The following ANKRD55 variants were observed in gnomAD, a reference collection of about 807,000 sequenced individuals.
The protein encoded by ANKRD55 is ankyrin repeat domain-containing protein 55.
A neutral mutation model predicts 60.6 loss-of-function variants in ANKRD55; 41 were observed. That is an observed-to-expected ratio of 0.68 (90% confidence interval 0.53 to 0.88). The LOEUF is 0.88. Ranked by LOEUF, ANKRD55 falls within the 40% of genes least tolerant of loss-of-function variation. The probability of loss-of-function intolerance (pLI) is 0.00; values close to 1 mark genes in which losing one functional copy is unlikely to be tolerated. For missense variants in ANKRD55, 732 were observed against 767.6 expected, an observed-to-expected ratio of 0.95 and a Z score of 0.55; for synonymous variants, 264 against 290.3, an observed-to-expected ratio of 0.91 and a Z score of 0.92.
intron 4 of ANKRD55, among the ~76,000 whole-genome samples, chr5:56,173,578 CTCTCTATATATA>C (rs1324184591): frequency 2.8e-4 from 20 of 71,664 alleles, no homozygotes; most frequent in African/African-American, 1.1e-3. Flanking sequence ...CTCTCTCTCT[CTCTCTATATATA>C]TATATATATA....
chr5:56,214,005 C>T (rs1759742985), intron 2 of ANKRD55, among the ~76,000 whole-genome samples: 1 of 152,160 alleles, frequency 6.6e-6, no homozygotes, highest in South Asian at 2.1e-4. Context: ...TGGTGAAAGG[C>T]AAAGGAGAAG....
intron 6 of ANKRD55, among the ~76,000 whole-genome samples, chr5:56,144,408 C>T (rs1183156952): frequency 6.6e-6 from 1 of 152,164 alleles, no homozygotes; most frequent in Non-Finnish European, 1.5e-5. Flanking sequence ...GACTGGAGTG[C>T]AATCCCCCAC....
intron 10 of ANKRD55, among the ~76,000 whole-genome samples, chr5:56,110,000 G>C (rs1338845635): frequency 6.6e-6 from 1 of 151,824 alleles, no homozygotes; most frequent in Admixed American, 6.6e-5. Flanking sequence ...GCAGTGAGCT[G>C]AGATTGCACC....
At chr5:56,206,883 T>C (rs1010535464) in intron 2 of ANKRD55, among the ~76,000 whole-genome samples, 5 of 152,034 alleles carry the variant, frequency 3.3e-5, no homozygotes, top group Admixed American at 3.3e-4. Flanking sequence ...CTCTCAGGGA[T>C]TAGGACAGTG....
intron 7 of ANKRD55, chr5:56,137,508 CA>C: frequency 1.3e-6 from 1 of 768,930 alleles, no homozygotes; most frequent in Non-Finnish European, 2.3e-6. Context: ...ACTGAAGAAA[CA>C]AAAACTTATG....
Position 56,143,940 on chromosome 5 carries a change from ACAGT to A in ANKRD55, c.484-15_484-12del, listed in dbSNP as rs756492807. 2 of 1,613,674 alleles carry A rather than the reference ACAGT, an allele frequency of 1.2e-6. No homozygotes were observed. Among genetic ancestry groups the A allele is most frequent in the Admixed American group, 1.7e-5 (1 of 60,032 alleles). ...GAGTGGTGTCATTCCCTGCAAAACA[ACAGT>A]CAGAGAGGACAGAGATGAGCACAGG... On this transcript the variant is annotated splice_polypyrimidine_tract_variant and intron_variant, in intron 6 of 11. Transcript: ENST00000341048.
intron 7 of ANKRD55, among the ~76,000 whole-genome samples, chr5:56,138,209 C>A (rs892322057): frequency 2.0e-5 from 3 of 148,214 alleles, no homozygotes; most frequent in Non-Finnish European, 4.4e-5. Context: ...CTCACTGCAA[C>A]CTCTGCCTCC....
chr5:56,113,353 A>G (rs1013688460), intron 9 of ANKRD55, among the ~76,000 whole-genome samples: 11 of 152,194 alleles, frequency 7.2e-5, no homozygotes, highest in African/African-American at 2.4e-4. Context: ...ATGTACTTGC[A>G]GAAAAAAAAA....
intron 2 of ANKRD55, among the ~76,000 whole-genome samples, chr5:56,209,191 A>G (rs1759594455): frequency 6.6e-6 from 1 of 152,114 alleles, no homozygotes; most frequent in Admixed American, 6.5e-5. Context: ...TCTTGGCCTC[A>G]AGTGATCTAC....
chr5:56,201,814 A>C (rs1759387457), intron 2 of ANKRD55, among the ~76,000 whole-genome samples: 1 of 152,232 alleles, frequency 6.6e-6, no homozygotes, highest in Non-Finnish European at 1.5e-5. Context: ...AAGGAATATA[A>C]ATCATTCTAT....
chr5:56,132,144 G>A (rs1344553895), intron 7 of ANKRD55, among the ~76,000 whole-genome samples: 1 of 151,972 alleles, frequency 6.6e-6, no homozygotes, highest in Non-Finnish European at 1.5e-5. Flanking sequence ...CACTACCCAT[G>A]AAGTGGTATA....
intron 4 of ANKRD55, 117 bp from the exon 5 acceptor site, chr5:56,170,920 G>A (rs558493900): frequency 2.3e-5 from 20 of 879,150 alleles, no homozygotes; most frequent in South Asian, 1.7e-4. Context: ...TATTTTATTT[G>A]ACTTGAAGTG....
chr5:56,106,420 C>CGTTTTTTTTTTTTTTTT (rs1756472916), intron 10 of ANKRD55, among the ~76,000 whole-genome samples: 1 of 96,940 alleles, frequency 1.0e-5, no homozygotes, highest in African/African-American at 5.8e-5. Context: ...GCTAGGAAAG[C>CGTTTTTTTTTTTTTTTT]TTTTTTTTTT....
intron 2 of ANKRD55, among the ~76,000 whole-genome samples, chr5:56,199,890 CAA>C (rs77128633): frequency 2.6e-4 from 20 of 77,306 alleles, no homozygotes; most frequent in Admixed American, 2.9e-4. Flanking sequence ...GACTCTGTCT[CAA>C]AAAAAAAAAA....
At chr5:56,118,173 A>G (rs1756934129) in intron 8 of ANKRD55, among the ~76,000 whole-genome samples, 1 of 152,092 alleles carries the variant, frequency 6.6e-6, no homozygotes, top group Non-Finnish European at 1.5e-5. Context: ...TTCATTGGCC[A>G]AAAGGTATAA....
chr5:56,178,223 T>C (rs1349943799), intron 3 of ANKRD55, among the ~76,000 whole-genome samples: 2 of 151,068 alleles, frequency 1.3e-5, no homozygotes, highest in Non-Finnish European at 3.0e-5. Flanking sequence ...GGCATCTTGC[T>C]CTGTTGCCCA....
intron 8 of ANKRD55, among the ~76,000 whole-genome samples, chr5:56,119,866 C>T (rs957095661): frequency 1.3e-5 from 2 of 151,874 alleles, no homozygotes; most frequent in East Asian, 1.9e-4. Context: ...TTCAGTGAGC[C>T]GAGATCCTGC....
intron 2 of ANKRD55, among the ~76,000 whole-genome samples, chr5:56,229,203 C>T (rs968456773): frequency 6.6e-6 from 1 of 150,816 alleles, no homozygotes; most frequent in East Asian, 2.0e-4. Context: ...CAAGTATCTT[C>T]AGTTACATAA....
chr5:56,220,755 G>A lies in ANKRD55; in HGVS notation c.58+12101C>T, dbSNP rs144982937. On this transcript the variant is annotated intron_variant, in intron 2 of 11. Transcript: ENST00000341048. ...TTGAACCCAGGAGGCAGAGGTTGCAGTGAGCCAAGACCATGCCATTGCACT... is the reference window on the plus strand; with the variant it reads ...TTGAACCCAGGAGGCAGAGGTTGCAATGAGCCAAGACCATGCCATTGCACT... 9.3e-4 allele frequency among the ~76,000 whole-genome samples: 142 copies of A among 152,312 alleles called. 3 individuals are homozygous for A. In the Middle Eastern group the frequency reaches 0.027, roughly 29 times the overall value.
Sources: gnomAD v4.1 joint callset for allele counts (sites outside exome capture counted in the v4.1 genomes callset) on GRCh38, gnomAD v4.1.1 for gene constraint, MANE v1.5 for transcripts, NCBI Gene and HGNC (gene_info 2026-07-23, HGNC 2026-07-21) for gene names.